The following WFDC8 variants were observed in gnomAD, a reference collection of about 807,000 sequenced individuals.
The protein encoded by WFDC8 is WAP four-disulfide core domain 8, also known as WAP four-disulfide core domain protein 8.
Under a neutral mutation model 27.0 loss-of-function variants are expected in WFDC8, and 24 were observed. The ratio of observed to expected loss-of-function variants is 0.89; its 90% CI spans 0.64 to 1.25. WFDC8 has a LOEUF of 1.25. Ranked by LOEUF, WFDC8 falls within the 50% of genes most tolerant of loss-of-function variation. WFDC8 has a pLI of 0.00. For missense variants in WFDC8, 287 were observed against 295.9 expected (o/e 0.97, Z 0.22); for synonymous variants, 106 against 99.7 (o/e 1.06, Z -0.38).
intron 1 of WFDC8, among the ~76,000 whole-genome samples, chr20:45,573,931 T>A (rs1012007437): frequency 2.0e-4 from 30 of 152,338 alleles, no homozygotes; most frequent in African/African-American, 7.2e-4. Context: ...CTTTGTAGTA[T>A]ATTTAAAATC....
At chr20:45,552,328 C>G (rs1365596486) in intron 5 of WFDC8, among the ~76,000 whole-genome samples, 163 bp from the exon 6 acceptor site, 31 of 152,166 alleles carry the variant, frequency 2.0e-4, no homozygotes, top group Admixed American at 2.0e-3. Flanking sequence ...TATCAACTTT[C>G]TACGACTAAT....
chr20:45,575,942 A>G (rs1398213610), intron 1 of WFDC8, among the ~76,000 whole-genome samples: 1 of 151,356 alleles, frequency 6.6e-6, no homozygotes, highest in Non-Finnish European at 1.5e-5. Context: ...ACTAGGAAGC[A>G]GACCTTGAGG....
chr20:45,568,045 C>T (rs540876722), intron 1 of WFDC8: 28 of 311,826 alleles, frequency 9.0e-5, no homozygotes, highest in African/African-American at 6.0e-4. Flanking sequence ...CTCTAGTTCA[C>T]ATCTTGTAGA....
chr20:45,574,579 A>G (rs55642155), intron 1 of WFDC8, among the ~76,000 whole-genome samples: 58,775 of 152,046 alleles, frequency 0.39, 11,837 homozygotes, highest in Non-Finnish European at 0.43. Context: ...CAGATCACTT[A>G]AGGCTAGGCG....
intron 1 of WFDC8, among the ~76,000 whole-genome samples, chr20:45,576,048 C>A (rs1239507936): frequency 6.6e-6 from 1 of 151,454 alleles, no homozygotes. Flanking sequence ...AAGATATTTT[C>A]TTCTAAATGC....
chr20:45,555,877 A>T lies in WFDC8; in HGVS notation c.278-9T>A. The T allele has an allele frequency of 6.2e-7, 1 of 1,612,496 alleles. No homozygotes were observed. Among genetic ancestry groups the T allele is most frequent in the Non-Finnish European group, 8.5e-7 (1 of 1,178,742 alleles). On this transcript the variant is annotated splice_polypyrimidine_tract_variant and intron_variant, in intron 3 of 5. Transcript: ENST00000289953. ...AGGTAGCATGCAGGGTTCTGAGGTC[A>T]GGAAGCAAGGAAAGAAGGATATGAA... is the stretch of plus-strand genomic sequence containing the variant.
chr20:45,563,017 C>T (rs1368964815), intron 1 of WFDC8, among the ~76,000 whole-genome samples: 3 of 152,228 alleles, frequency 2.0e-5, no homozygotes, highest in Middle Eastern at 3.4e-3. Flanking sequence ...GTGGAACTTC[C>T]GATACTGAGA....
chr20:45,552,946 G>A (rs375848212), intron 5 of WFDC8, among the ~76,000 whole-genome samples, 190 bp downstream of exon 5: 2 of 152,192 alleles, frequency 1.3e-5, no homozygotes, highest in African/African-American at 4.8e-5. Flanking sequence ...TGGCTTTGAA[G>A]AACAGCACAA....
At chr20:45,577,201 G>A (rs1981074282) in intron 1 of WFDC8, among the ~76,000 whole-genome samples, 1 of 151,096 alleles carries the variant, frequency 6.6e-6, no homozygotes, top group Non-Finnish European at 1.5e-5. Context: ...TCACATTTTT[G>A]TGCTTTTTGT....
At chr20:45,559,737 C>T (rs1209042066) in intron 2 of WFDC8, 2 of 148,212 alleles carry the variant, frequency 1.3e-5, no homozygotes, top group African/African-American at 5.0e-5. Context: ...TTACTAAAAA[C>T]TAGAAGAGGC....
At chr20:45,579,128 C>A in intron 1 of WFDC8, 94 bp downstream of exon 1, 1 of 1,298,076 alleles carries the variant, frequency 7.7e-7, no homozygotes, top group Non-Finnish European at 1.1e-6. Flanking sequence ...CAACTCCCCA[C>A]AGCCGACCAC....
chr20:45,571,712 G>A (rs1426176481), intron 1 of WFDC8, among the ~76,000 whole-genome samples: 1 of 152,106 alleles, frequency 6.6e-6, no homozygotes, highest in Non-Finnish European at 1.5e-5. Context: ...GATTCCACAT[G>A]TAAGTGAGAC....
rs373826816 is a variant in WFDC8 at position 45,558,917 on chromosome 20, T to G, written c.212A>C (p.Asp71Ala). The change falls in exon 3 of 6, where the codon GAC becomes GCC. Residue 71 changes from aspartate to alanine, a missense_variant. Asp to Ala is a moderately radical substitution (Grantham distance 126). Coordinates refer to ENST00000289953, the MANE Select transcript of WFDC8 (RefSeq NM_130896.3). ...ELPDSCNTDF[D>A]CKEYQKCCFF... ...GCAGCACTTCTGGTATTCCTTGCAG[T>G]CAAAATCTGTGTTACATGAGTCCGG... 3.0e-5 allele frequency: 49 copies of G among 1,614,104 alleles called. No individual in the cohort carries two copies. The highest frequency in any genetic ancestry group is 4.1e-5 in the Non-Finnish European group (48 of 1,180,038).
chr20:45,558,154 G>A (rs982055811), intron 3 of WFDC8, among the ~76,000 whole-genome samples: 2 of 151,986 alleles, frequency 1.3e-5, no homozygotes, highest in Admixed American at 1.3e-4. Flanking sequence ...TCATAGAATT[G>A]CCCCCGCTTT....
rs8114805 is a variant in WFDC8, at chr20:45,559,335, A to G, written c.137-343T>C. On this transcript the variant is annotated intron_variant, in intron 2 of 5. Transcript: ENST00000289953. Reference sequence around the variant, plus strand: ...CTTAATTCCTTTGTCTCCAGTTGATAAAAGAAATTAGTAAAGACTGGTGGG... The same window carrying G: ...CTTAATTCCTTTGTCTCCAGTTGATGAAAGAAATTAGTAAAGACTGGTGGG... 3.3e-3 allele frequency among the ~76,000 whole-genome samples: 493 copies of G among 151,662 alleles called. 3 individuals carry two copies. The highest frequency in any genetic ancestry group is 0.012 in the African/African-American group (472 of 40,916).
At chr20:45,578,032 A>AAAAT (rs891899560) in intron 1 of WFDC8, among the ~76,000 whole-genome samples, 4 of 62,380 alleles carry the variant, frequency 6.4e-5, no homozygotes, top group African/African-American at 2.0e-4. Flanking sequence ...AATAAAAATA[A>AAAAT]AAATAAATAA....
intron 1 of WFDC8, 128 bp downstream of exon 1, chr20:45,579,094 A>T: frequency 2.4e-6 from 2 of 821,596 alleles, no homozygotes; most frequent in Non-Finnish European, 4.1e-6. Flanking sequence ...TGTTCTGTGG[A>T]ACCCCTCCTC....
chr20:45,564,317 T>C (rs1980570173), intron 1 of WFDC8, among the ~76,000 whole-genome samples: 1 of 152,170 alleles, frequency 6.6e-6, no homozygotes, highest in Non-Finnish European at 1.5e-5. Context: ...CTCATGTTTG[T>C]AATCTCAGCA....
At chr20:45,569,090 A>G (rs1011544943) in intron 1 of WFDC8, among the ~76,000 whole-genome samples, 3 of 152,182 alleles carry the variant, frequency 2.0e-5, no homozygotes, top group African/African-American at 7.2e-5. Context: ...TCCAAATCCA[A>G]TCCTGCTTGA....
Sources: allele counts gnomAD v4.1 joint callset (sites outside exome capture counted in the v4.1 genomes callset), GRCh38; gene constraint gnomAD v4.1.1; transcripts MANE v1.5; gene names NCBI Gene and HGNC (gene_info 2026-07-23, HGNC 2026-07-21).